PDS5B: variants seen among roughly 807,000 people sequenced by gnomAD.
PDS5B encodes PDS5 cohesin associated factor B.
In PDS5B, 51 loss-of-function variants were observed where a neutral mutation model predicts 184.1. That is an observed-to-expected ratio of 0.28 (90% confidence interval 0.22 to 0.35). The LOEUF is 0.35. Among genes scored for constraint, PDS5B ranks in the 10% least tolerant of loss-of-function variants. The probability of loss-of-function intolerance (pLI) is 1.00; values close to 1 mark genes in which losing one functional copy is unlikely to be tolerated. For synonymous variants in PDS5B, 566 were observed against 569.2 expected, an observed-to-expected ratio of 0.99 and a Z score of 0.08; for missense variants, 1,180 against 1,723.3, an observed-to-expected ratio of 0.68 and a Z score of 5.58.
chr13:32,597,684 A>G (rs1285098728), intron 1 of PDS5B, among the ~76,000 whole-genome samples: 2 of 151,802 alleles, frequency 1.3e-5, no homozygotes, highest in East Asian at 2.0e-4. Flanking sequence ...TGTCTCTACT[A>G]AAAAATACAA....
intron 1 of PDS5B, among the ~76,000 whole-genome samples, chr13:32,620,188 C>A (rs2058277881): frequency 6.6e-6 from 1 of 152,114 alleles, no homozygotes; most frequent in South Asian, 2.1e-4. Context: ...GGAAATGAAA[C>A]AGATTTTTTT....
At chr13:32,714,664 GAA>G in intron 19 of PDS5B, among the ~76,000 whole-genome samples, 1 of 152,300 alleles carries the variant, frequency 6.6e-6, no homozygotes, top group Middle Eastern at 3.4e-3. Flanking sequence ...GCTTTTGAAA[GAA>G]GAGAAATACG....
intron 14 of PDS5B, among the ~76,000 whole-genome samples, chr13:32,696,212 T>C (rs934895960): frequency 1.3e-5 from 2 of 152,102 alleles, no homozygotes; most frequent in African/African-American, 4.8e-5. Context: ...CTCAGTACTT[T>C]AAATACACTT....
At chr13:32,708,018 C>T (rs886571295) in intron 18 of PDS5B, among the ~76,000 whole-genome samples, 17 of 151,944 alleles carry the variant, frequency 1.1e-4, no homozygotes, top group Non-Finnish European at 2.1e-4. Flanking sequence ...AGTTACTGTC[C>T]CTTTCCTTGG....
At chr13:32,611,586 C>T (rs1227787415) in intron 1 of PDS5B, among the ~76,000 whole-genome samples, 2 of 147,948 alleles carry the variant, frequency 1.4e-5, no homozygotes, top group African/African-American at 5.0e-5. Flanking sequence ...TGGCTCACTG[C>T]AGCCTCTGCC....
chr13:32,670,282 T>A (rs1378764374), intron 7 of PDS5B, among the ~76,000 whole-genome samples: 1 of 152,208 alleles, frequency 6.6e-6, no homozygotes, highest in Non-Finnish European at 1.5e-5. Flanking sequence ...AGTGGTGTGA[T>A]CTTGTTACAC....
At chr13:32,747,214 CT>C (rs1307763982) in intron 24 of PDS5B, among the ~76,000 whole-genome samples, 3 of 152,112 alleles carry the variant, frequency 2.0e-5, no homozygotes, top group Admixed American at 6.6e-5. Context: ...AAATAAAATA[CT>C]TTCAGTATGA....
At chr13:32,586,794 T>TCGCGGGG (rs2140447320) in intron 1 of PDS5B, among the ~76,000 whole-genome samples, 1 of 132,146 alleles carries the variant, frequency 7.6e-6, no homozygotes, top group South Asian at 2.7e-4. Flanking sequence ...GGGGCGGGGG[T>TCGCGGGG]CGCGGGGCGC....
chr13:32,671,606 A>G (rs1369606936), intron 7 of PDS5B, among the ~76,000 whole-genome samples: 5 of 152,204 alleles, frequency 3.3e-5, no homozygotes, highest in Admixed American at 2.0e-4. Flanking sequence ...TTTTAAAACC[A>G]AAAAAGAAAG....
chr13:32,747,208 A>C (rs1953779443), intron 24 of PDS5B, among the ~76,000 whole-genome samples: 2 of 152,242 alleles, frequency 1.3e-5, no homozygotes, highest in South Asian at 4.1e-4. Flanking sequence ...ATTAGTAAAT[A>C]AAATACTTTC....
intron 1 of PDS5B, among the ~76,000 whole-genome samples, chr13:32,647,089 T>C (rs1292270034): frequency 6.6e-6 from 1 of 152,236 alleles, no homozygotes; most frequent in Non-Finnish European, 1.5e-5. Flanking sequence ...TGGTATTTTA[T>C]GATATTCTCT....
chr13:32,590,513 G>T (rs774467283), intron 1 of PDS5B, among the ~76,000 whole-genome samples: 1 of 152,158 alleles, frequency 6.6e-6, no homozygotes, highest in Admixed American at 6.5e-5. Flanking sequence ...GGCAGTTGAG[G>T]TTGCTCTTTT....
intron 19 of PDS5B, among the ~76,000 whole-genome samples, chr13:32,731,014 T>A (rs1177877332): frequency 1.3e-5 from 2 of 152,208 alleles, no homozygotes; most frequent in Non-Finnish European, 2.9e-5. Flanking sequence ...AGGGCATCCT[T>A]GTCTTGTGCC....
At chr13:32,744,943 A>C (rs911308348) in intron 23 of PDS5B, among the ~76,000 whole-genome samples, 3 of 152,160 alleles carry the variant, frequency 2.0e-5, no homozygotes, top group Non-Finnish European at 4.4e-5. Flanking sequence ...ATCTTTTACT[A>C]TAGAGCTACA....
Position 32,775,095 on chromosome 13 carries a change from A to G in PDS5B, c.*43A>G. On this transcript the variant is annotated 3_prime_UTR_variant, in exon 35 of 35. Coordinates refer to ENST00000315596, the MANE Select transcript of PDS5B (RefSeq NM_015032.4). Reference sequence around the variant, plus strand: ...CTTTCTCTGTGAAAGCTTTGGAAAAATCTTTTTTTTTTTTTTTGGTCAAGC... The same window carrying G: ...CTTTCTCTGTGAAAGCTTTGGAAAAGTCTTTTTTTTTTTTTTTGGTCAAGC... The G allele has an allele frequency of 3.7e-6, 2 of 547,628 alleles. No individual in the cohort carries two copies. The highest frequency in any genetic ancestry group is 5.1e-6 in the Non-Finnish European group (2 of 388,742). 33.9% of individuals were successfully genotyped at this position (547,628 alleles called of 1,614,324 possible).
intron 1 of PDS5B, among the ~76,000 whole-genome samples, chr13:32,642,746 C>CT (rs71194533): frequency 0.23 from 35,534 of 152,034 alleles, 4,445 homozygotes; most frequent in South Asian, 0.37. Context: ...AATTTGCTCT[C>CT]TGAGATTTAT....
At position 32,668,634 on chromosome 13, in the gene PDS5B, T is replaced by C. The variant is rs547229424; in HGVS notation, c.705+790T>C. 2.1e-4 allele frequency among the ~76,000 whole-genome samples: 32 copies of C among 152,236 alleles called. 1 individual carries two copies. Among genetic ancestry groups the C allele is most frequent in the Admixed American group, 1.8e-3 (28 of 15,274 alleles). ...GGTGGCCCTTGGAATTGTGTAACAG[T>C]TCAGTCCCTCCACCTGCTTTTCAGT... On this transcript the variant is annotated intron_variant, in intron 7 of 34. Transcript: ENST00000315596.
At chr13:32,703,940 A>G (rs1185597381) in intron 17 of PDS5B, among the ~76,000 whole-genome samples, 13 of 152,108 alleles carry the variant, frequency 8.5e-5, no homozygotes. Flanking sequence ...GACTCAGTGA[A>G]ATTGTCTTTT....
At position 32,591,494 on chromosome 13, in the gene PDS5B, A is replaced by G. The variant is rs2057775131; in HGVS notation, c.-20+4901A>G. ...GCTCTTTTCATACTGGCACATACAG[A>G]TCAACATAATTAAGAAATAATAAGA... On this transcript the variant is annotated intron_variant, in intron 1 of 34. Coordinates refer to ENST00000315596, the MANE Select transcript of PDS5B (RefSeq NM_015032.4). Among the ~76,000 whole-genome samples, 3 of 152,182 alleles carry G rather than the reference A, an allele frequency of 2.0e-5. No homozygotes were observed. In the South Asian group the frequency reaches 6.2e-4, roughly 31 times the overall value.
Sources: gnomAD v4.1 joint callset for allele counts (sites outside exome capture counted in the v4.1 genomes callset) on GRCh38, gnomAD v4.1.1 for gene constraint, MANE v1.5 for transcripts, NCBI Gene and HGNC (gene_info 2026-07-23, HGNC 2026-07-21) for gene names.